Variants in TRPV3 observed in about 807,000 individuals in gnomAD.
TRPV3 encodes the protein transient receptor potential cation channel subfamily V member 3.
Under a neutral mutation model 87.1 loss-of-function variants are expected in TRPV3, and 88 were observed. That is an observed-to-expected ratio of 1.01 (90% confidence interval 0.85 to 1.21). The LOEUF (loss-of-function observed/expected upper bound fraction) is 1.21, where lower values mean the gene tolerates loss of function less well. Ranked by LOEUF, TRPV3 falls within the 50% of genes most tolerant of loss-of-function variation. TRPV3 has a pLI of 0.00. For synonymous variants in TRPV3, 438 were observed against 423.3 expected (o/e 1.03, Z -0.43); for missense variants, 1,054 against 1,030.1 (o/e 1.02, Z -0.32).
At chr17:3,529,624 T>C (rs1216307008) in intron 9 of TRPV3, among the ~76,000 whole-genome samples, 1 of 151,984 alleles carries the variant, frequency 6.6e-6, no homozygotes, top group Non-Finnish European at 1.5e-5. Context: ...TGACCCTCAT[T>C]TGGGACCAGG....
At chr17:3,531,862 A>T (rs2074351732) in intron 8 of TRPV3, among the ~76,000 whole-genome samples, 1 of 152,208 alleles carries the variant, frequency 6.6e-6, no homozygotes, top group Admixed American at 6.5e-5. Flanking sequence ...CACTTGGGAC[A>T]GGACCAAGGC....
At chr17:3,519,553 A>G (rs377338681) in intron 14 of TRPV3, among the ~76,000 whole-genome samples, 53 of 80,744 alleles carry the variant, frequency 6.6e-4, no homozygotes, top group South Asian at 2.2e-3. Flanking sequence ...TGGATGGACC[A>G]ATTGATCGAT....
At chr17:3,533,047 T>C in intron 7 of TRPV3, 110 bp from the exon 8 acceptor site, 2 of 1,273,008 alleles carry the variant, frequency 1.6e-6, no homozygotes, top group Non-Finnish European at 2.2e-6. Context: ...GCACCTCAGG[T>C]TCCCTAGCCC....
chr17:3,519,904 A>G (rs796218124), intron 14 of TRPV3, among the ~76,000 whole-genome samples: 113 of 113,464 alleles, frequency 1.0e-3, no homozygotes, highest in Admixed American at 2.7e-3. Flanking sequence ...ATGGATGATT[A>G]GATGGATGGA....
In TRPV3 at chr17:3,532,870, G is replaced by C. The variant is rs144990390; in HGVS notation, c.852C>G (p.His284Gln). The change falls in exon 8 of 18, where the codon CAC becomes CAG. Residue 284 changes from histidine to glutamine, a missense_variant. Physicochemically the swap from His to Gln is conservative, Grantham distance 24. Coordinates refer to ENST00000576742, the MANE Select transcript of TRPV3 (RefSeq NM_145068.4). ...CCCGCGAGGTGATGTCCGTCTGCTC[G>C]TGCTCCATCAGCAGCTGCACAATCT... ...QPEIVQLLME[H>Q]EQTDITSRDS... The C allele has an allele frequency of 3.1e-6, 5 of 1,614,212 alleles. No individual in the cohort carries two copies. The highest frequency in any genetic ancestry group is 3.3e-5 in the Admixed American group (2 of 60,024).
At position 3,510,712 on chromosome 17, in the gene TRPV3, C is replaced by G. The variant is rs1035144309; in HGVS notation, c.*3205G>C. 2.0e-5 allele frequency: 3 copies of G among 152,204 alleles called. No individual in the cohort carries two copies. The highest frequency in any genetic ancestry group is 4.8e-5 in the African/African-American group (2 of 41,442). 9.4% of individuals were successfully genotyped at this position (152,204 alleles called of 1,614,324 possible). A position where few individuals can be genotyped will look rare whatever the true frequency, so the allele number is the denominator to read the frequency against. On this transcript the variant is annotated 3_prime_UTR_variant, in exon 18 of 18. Coordinates refer to ENST00000576742, the MANE Select transcript of TRPV3 (RefSeq NM_145068.4). ...GATTCTGTGTTTGGAACCAAGATCACAGTAAAAAATATGTAAATCAATGCA... is the reference window on the plus strand; with the variant it reads ...GATTCTGTGTTTGGAACCAAGATCAGAGTAAAAAATATGTAAATCAATGCA...
Position 3,530,280 on chromosome 17 carries a change from G to C in TRPV3, c.1066-77C>G. 2 of 1,476,566 alleles carry C rather than the reference G, an allele frequency of 1.4e-6. No homozygotes were observed. The highest frequency in any genetic ancestry group is 1.8e-6 in the Non-Finnish European group (2 of 1,095,118). 91.5% of individuals were successfully genotyped at this position (1,476,566 alleles called of 1,614,324 possible). On this transcript the variant is annotated intron_variant, in intron 8 of 17. Coordinates refer to ENST00000576742, the MANE Select transcript of TRPV3 (RefSeq NM_145068.4). This position sits in a 1 kb window ranked among gnomAD's most constrained non-coding sequence, Gnocchi z 4.0. ...AACAGGGCTGGACCAGCCAGAGGCT[G>C]GCTGGGCCCAGGGGATACACCCGCC...
At chr17:3,553,230 C>T (rs2074596135) in intron 2 of TRPV3, 1 of 152,674 alleles carries the variant, frequency 6.5e-6, no homozygotes, top group Admixed American at 6.5e-5. Flanking sequence ...CACCCAGGCT[C>T]AGACATCACC....
At chr17:3,521,942 GGCACA>G in intron 13 of TRPV3, among the ~76,000 whole-genome samples, 1 of 152,016 alleles carries the variant, frequency 6.6e-6, no homozygotes, top group African/African-American at 2.4e-5. Context: ...TGGGTGTGGT[GGCACA>G]CACCTGTGAT....
intron 2 of TRPV3, among the ~76,000 whole-genome samples, chr17:3,549,019 A>G (rs2150805951): frequency 6.6e-6 from 1 of 152,230 alleles, no homozygotes; most frequent in Non-Finnish European, 1.5e-5. Context: ...GTGCCCCAGA[A>G]CTTTTGCCCT....
chr17:3,527,153 T>A (rs1200029359), intron 11 of TRPV3, among the ~76,000 whole-genome samples: 1 of 152,060 alleles, frequency 6.6e-6, no homozygotes, highest in Admixed American at 6.6e-5. Context: ...CCTCACTCCT[T>A]ACCCCATCCT....
chr17:3,525,161 A>T (rs2074286212), intron 12 of TRPV3, among the ~76,000 whole-genome samples: 1 of 150,222 alleles, frequency 6.7e-6, no homozygotes, highest in African/African-American at 2.4e-5. Flanking sequence ...CTGGGATTAC[A>T]GGCACCCGCC....
In TRPV3 at chr17:3,542,628, G is replaced by A; in HGVS notation, c.537C>T (p.Ile179=). The change falls in exon 6 of 18, where the codon ATC becomes ATT. Residue 179 remains isoleucine (I), a synonymous_variant. Transcript: ENST00000576742. ...GCACTATCTCCTTGGTGTTGGGGTT[G>A]ATGTTTAACAAGGCCTTCATCAGGC... ...KTCLMKALLN[I]NPNTKEIVRI... 1.2e-6 allele frequency: 2 copies of A among 1,614,024 alleles called. No individual in the cohort carries two copies. The highest frequency in any genetic ancestry group is 1.7e-6 in the Non-Finnish European group (2 of 1,179,934).
rs777241062 is a variant in TRPV3 at position 3,542,534 on chromosome 17, C to CCTCTGTGTA, written c.622_630dup (p.Tyr208_Glu210dup). The CCTCTGTGTA allele has an allele frequency of 1.9e-6, 3 of 1,613,894 alleles. No individual in the cohort carries two copies. In the South Asian group the frequency reaches 3.3e-5, roughly 18 times the overall value. On this transcript the variant is annotated inframe_insertion, in exon 6 of 18. Coordinates refer to ENST00000576742, the MANE Select transcript of TRPV3 (RefSeq NM_145068.4). ...GCAGGCAGGATACCTTCATAGGCCT[C>CCTCTGTGTA]CTCTGTGTACTCGGCGTTGATGAAC...
intron 13 of TRPV3, among the ~76,000 whole-genome samples, chr17:3,522,191 C>G (rs1456379284): frequency 1.3e-5 from 2 of 152,174 alleles, no homozygotes; most frequent in Non-Finnish European, 2.9e-5. Context: ...TTTGAGGTTA[C>G]TTGTCTCTAT....
Position 3,513,253 on chromosome 17 carries a change from T to C in TRPV3, c.*664A>G, listed in dbSNP as rs1316305416. On this transcript the variant is annotated 3_prime_UTR_variant, in exon 18 of 18. Transcript: ENST00000576742. ...TTCCGTATTGCAAGTTAAAACCCTG[T>C]GTTAATTCTGCTACTAAAAACATCT... 1 of 152,656 alleles carries C rather than the reference T, an allele frequency of 6.6e-6. No homozygotes were observed. The highest frequency in any genetic ancestry group is 1.9e-4 in the East Asian group (1 of 5,204). The allele number at this position is 152,656 out of a possible 1,614,324, so 9.5% of individuals were successfully genotyped here.
chr17:3,532,059 C>T (rs1391111094), intron 8 of TRPV3, among the ~76,000 whole-genome samples: 1 of 152,224 alleles, frequency 6.6e-6, no homozygotes. Context: ...AAGAACATCT[C>T]AGACCAAGCC....
chr17:3,523,278 G>C (rs561957487), intron 13 of TRPV3, among the ~76,000 whole-genome samples: 1 of 152,268 alleles, frequency 6.6e-6, no homozygotes, highest in Admixed American at 6.5e-5. Flanking sequence ...TCACATCATT[G>C]ATAAACAAGT....
chr17:3,536,645 G>A (rs1245754100), intron 6 of TRPV3, among the ~76,000 whole-genome samples: 1 of 152,112 alleles, frequency 6.6e-6, no homozygotes, highest in Non-Finnish European at 1.5e-5. Context: ...GGAGTTGGAG[G>A]GCACATGAAG....
Sources: gnomAD v4.1 joint callset for allele counts (sites outside exome capture counted in the v4.1 genomes callset) on GRCh38, gnomAD v4.1.1 for gene constraint, Gnocchi (gnomAD v3.1) non-coding constraint, MANE v1.5 for transcripts, NCBI Gene and HGNC (gene_info 2026-07-23, HGNC 2026-07-21) for gene names.